SDK1: variants seen among roughly 807,000 people sequenced by gnomAD.
SDK1 encodes protein sidekick-1.
In SDK1, 157 loss-of-function variants were observed where a neutral mutation model predicts 245.5. That is an observed-to-expected ratio of 0.64 (90% CI 0.56 to 0.73). The LOEUF (loss-of-function observed/expected upper bound fraction) is 0.73, where lower values mean the gene tolerates loss of function less well. Among genes scored for constraint, SDK1 ranks in the 30% least tolerant of loss-of-function variants. SDK1 has a pLI of 0.00. For missense variants in SDK1, 3,583 were observed against 3,002.3 expected, an observed-to-expected ratio of 1.19 and a Z score of -4.52; for synonymous variants, 1,647 against 1,278.5, an observed-to-expected ratio of 1.29 and a Z score of -6.15.
chr7:3,439,176 A>G (rs1253344807), intron 1 of SDK1, among the ~76,000 whole-genome samples: 1 of 152,134 alleles, frequency 6.6e-6, no homozygotes, highest in Non-Finnish European at 1.5e-5. Context: ...ATTATCCAAC[A>G]TCTCAAATGT....
intron 4 of SDK1, among the ~76,000 whole-genome samples, chr7:3,674,453 G>C (rs1783824975): frequency 6.6e-6 from 1 of 152,024 alleles, no homozygotes; most frequent in African/African-American, 2.4e-5. Context: ...TTAGAGGAGA[G>C]GGTGACAATA....
intron 1 of SDK1, among the ~76,000 whole-genome samples, chr7:3,558,080 A>G (rs1008299861): frequency 2.7e-5 from 4 of 149,384 alleles, no homozygotes; most frequent in Non-Finnish European, 4.4e-5. Flanking sequence ...AAGACTTTAG[A>G]TGCCACGTGG....
chr7:3,446,517 C>G (rs1398921535), intron 1 of SDK1, among the ~76,000 whole-genome samples: 2 of 152,144 alleles, frequency 1.3e-5, no homozygotes, highest in Non-Finnish European at 2.9e-5. Context: ...TAAAAAGACA[C>G]TGTGTAAGAG....
At chr7:3,385,137 G>C (rs1781578933) in intron 1 of SDK1, among the ~76,000 whole-genome samples, 1 of 152,158 alleles carries the variant, frequency 6.6e-6, no homozygotes, top group South Asian at 2.1e-4. Flanking sequence ...TTCAGGTATG[G>C]ATTCTACCAC....
chr7:3,623,477 G>C (rs1782009731), intron 2 of SDK1, among the ~76,000 whole-genome samples: 1 of 152,022 alleles, frequency 6.6e-6, no homozygotes, highest in South Asian at 2.1e-4. Flanking sequence ...CTGACCTCAA[G>C]TGATCTGCCT....
chr7:3,773,912 G>GA (rs1479120829), intron 4 of SDK1, among the ~76,000 whole-genome samples: 4 of 152,150 alleles, frequency 2.6e-5, no homozygotes, highest in Non-Finnish European at 5.9e-5. Context: ...AAAATTAGGG[G>GA]ATAAAAGAAT....
intron 1 of SDK1, among the ~76,000 whole-genome samples, chr7:3,305,806 AT>A (rs547458011): frequency 0.14 from 20,803 of 152,204 alleles, 2,133 homozygotes; most frequent in African/African-American, 0.28. Flanking sequence ...TGCAGTCTGC[AT>A]AGCCACCTGT....
chr7:4,223,757 G>C (rs780191248), intron 40 of SDK1, among the ~76,000 whole-genome samples: 16 of 152,300 alleles, frequency 1.1e-4, no homozygotes, highest in Admixed American at 3.9e-4. Context: ...ATTTGCAGTG[G>C]GGGGCAGAGA....
chr7:4,139,866 C>T (rs1779454479), intron 28 of SDK1, among the ~76,000 whole-genome samples: 1 of 152,126 alleles, frequency 6.6e-6, no homozygotes, highest in Non-Finnish European at 1.5e-5. Context: ...TGTCTTGGAG[C>T]TGGGTGGAGC....
intron 4 of SDK1, among the ~76,000 whole-genome samples, chr7:3,764,618 G>A (rs1780202037): frequency 6.6e-6 from 1 of 152,050 alleles, no homozygotes; most frequent in African/African-American, 2.4e-5. Flanking sequence ...AGAAGCAGAG[G>A]TTGCAGCGAG....
rs139411450 is a variant in SDK1 at position 4,258,739 on chromosome 7, G to C, written c.6382-6385G>C. 3.0e-3 allele frequency among the ~76,000 whole-genome samples: 458 copies of C among 152,282 alleles called. 3 individuals are homozygous for C. Among genetic ancestry groups the C allele is most frequent in the African/African-American group, 0.011 (438 of 41,552 alleles). Reference sequence around the variant, plus strand: ...TCGTTTTTCCCCACTAGGATCCCTTGTGGTAGGGAAGTTGAATGGGGAAGA... The same window carrying C: ...TCGTTTTTCCCCACTAGGATCCCTTCTGGTAGGGAAGTTGAATGGGGAAGA... On this transcript the variant is annotated intron_variant, in intron 44 of 44. Coordinates refer to ENST00000404826, the MANE Select transcript of SDK1 (RefSeq NM_152744.4).
intron 4 of SDK1, among the ~76,000 whole-genome samples, chr7:3,742,788 A>G (rs1216514951): frequency 6.6e-6 from 1 of 152,148 alleles, no homozygotes; most frequent in Non-Finnish European, 1.5e-5. Context: ...AGGGTGGAGG[A>G]AAGTTTTTCC....
chr7:3,485,938 C>G (rs926424070), intron 1 of SDK1, among the ~76,000 whole-genome samples: 1 of 151,576 alleles, frequency 6.6e-6, no homozygotes, highest in Non-Finnish European at 1.5e-5. Flanking sequence ...TTGAAAAACT[C>G]TTCATTAAAA....
intron 22 of SDK1, among the ~76,000 whole-genome samples, chr7:4,090,905 A>G (rs1283121402): frequency 1.3e-5 from 2 of 152,016 alleles, no homozygotes; most frequent in Non-Finnish European, 2.9e-5. Context: ...TCCCTTTTCT[A>G]CATCTATCCG....
intron 4 of SDK1, among the ~76,000 whole-genome samples, chr7:3,789,059 G>A (rs901607225): frequency 6.6e-6 from 1 of 152,232 alleles, no homozygotes; most frequent in Non-Finnish European, 1.5e-5. Flanking sequence ...TACAAGATAT[G>A]ATAATACTGT....
chr7:3,693,783 A>T (rs1784498615), intron 4 of SDK1, among the ~76,000 whole-genome samples: 1 of 152,124 alleles, frequency 6.6e-6, no homozygotes, highest in African/African-American at 2.4e-5. Flanking sequence ...GCACTGGCCT[A>T]TAATTTTTAC....
intron 1 of SDK1, among the ~76,000 whole-genome samples, chr7:3,523,028 T>C (rs1218792987): frequency 8.4e-5 from 3 of 35,648 alleles, no homozygotes; most frequent in African/African-American, 3.8e-4. Flanking sequence ...AATCGTAAAT[T>C]GGTAAACCTG....
At chr7:3,489,377 T>G (rs1781800256) in intron 1 of SDK1, among the ~76,000 whole-genome samples, 1 of 152,248 alleles carries the variant, frequency 6.6e-6, no homozygotes. Flanking sequence ...CGGTGATTTT[T>G]GTCTTAAATA....
Position 3,696,577 on chromosome 7 carries a change from T to C in SDK1, c.713+54472T>C, listed in dbSNP as rs886760068. On this transcript the variant is annotated intron_variant, in intron 4 of 44. Coordinates refer to ENST00000404826, the MANE Select transcript of SDK1 (RefSeq NM_152744.4). ...GAGCTTACATTTCTCTGTGTTTGTG[T>C]GTGTGTGTGTGTGTGTGTGTGTGTT... Among the ~76,000 whole-genome samples, 295 of 147,116 alleles carry C rather than the reference T, an allele frequency of 2.0e-3. 1 individual carries two copies. The highest frequency in any genetic ancestry group is 7.1e-3 in the African/African-American group (278 of 39,286).
Sources: allele counts gnomAD v4.1 joint callset (sites outside exome capture counted in the v4.1 genomes callset), GRCh38; gene constraint gnomAD v4.1.1; transcripts MANE v1.5; gene names NCBI Gene and HGNC (gene_info 2026-07-23, HGNC 2026-07-21).